Variants in SCN10A observed in about 807,000 individuals in gnomAD.
SCN10A encodes the protein sodium channel protein type 10 subunit alpha.
Under a neutral mutation model 170.7 loss-of-function variants are expected in SCN10A, and 162 were observed. The ratio of observed to expected loss-of-function variants is 0.95; its 90% CI spans 0.84 to 1.08. The LOEUF (loss-of-function observed/expected upper bound fraction) is 1.08. Among genes scored for constraint, SCN10A ranks in the 50% least tolerant of loss-of-function variants. The pLI is 0.00. For missense variants in SCN10A, 2,527 were observed against 2,436.9 expected, an observed-to-expected ratio of 1.04 and a Z score of -0.78; for synonymous variants, 985 against 904.6, an observed-to-expected ratio of 1.09 and a Z score of -1.59.
intron 3 of SCN10A, among the ~76,000 whole-genome samples, chr3:38,789,538 G>C (rs1403942466): frequency 6.6e-6 from 1 of 152,100 alleles, no homozygotes; most frequent in Non-Finnish European, 1.5e-5. Flanking sequence ...AAGTGAAGAG[G>C]TACAAACTTT....
At chr3:38,700,417 C>T (rs769825005) in intron 27 of SCN10A, among the ~76,000 whole-genome samples, 13 of 152,004 alleles carry the variant, frequency 8.6e-5, no homozygotes, top group Non-Finnish European at 1.3e-4. Flanking sequence ...TAAAAATTTG[C>T]CAAGAGAATA....
Position 38,793,970 on chromosome 3 carries a change from C to A in SCN10A, c.41G>T (p.Arg14Leu), listed in dbSNP as rs141207048. 2.7e-3 allele frequency: 4,285 copies of A among 1,613,936 alleles called. 6 individuals are homozygous for A. The highest frequency in any genetic ancestry group is 3.1e-3 in the Non-Finnish European group (3,628 of 1,179,846). Residue 14 changes from arginine (R) to leucine (L), a missense_variant, in exon 2 of 28, where the codon CGT (arginine) becomes CTT (leucine). By Grantham distance (102) the Arg-to-Leu change is moderately radical. Transcript: ENST00000449082. ...CACCAGTGACTCCGGAGTAAAGCGACGGAAGTTGTTAGTTTCGAGGGATCC... is the reference window on the plus strand; with the variant it reads ...CACCAGTGACTCCGGAGTAAAGCGAAGGAAGTTGTTAGTTTCGAGGGATCC... ...PIGSLETNNFRRFTPESLVEI... is the reference protein window; with the variant it reads ...PIGSLETNNFLRFTPESLVEI...
intron 15 of SCN10A, among the ~76,000 whole-genome samples, chr3:38,739,179 G>A (rs1182128048): frequency 6.6e-6 from 1 of 152,180 alleles, no homozygotes; most frequent in Non-Finnish European, 1.5e-5. Context: ...AGTGTCCAGT[G>A]CTATGCCTGA....
At chr3:38,761,117 C>G in intron 7 of SCN10A, 75 bp downstream of exon 7, 2 of 1,170,656 alleles carry the variant, frequency 1.7e-6, no homozygotes, top group South Asian at 3.0e-5. Context: ...CACACAGGGG[C>G]TCCATATCCC....
Position 38,761,204 on chromosome 3 carries a change from A to T in SCN10A, c.871T>A (p.Ser291Thr), listed in dbSNP as rs1190198136. ...MAVNETTNYSSHRKPDIYINK... is the reference protein window; with the variant it reads ...MAVNETTNYSTHRKPDIYINK... ...AGACTCCACTCACGTTTTCTGTGAGATGAGTAGTTGGTTGTCTCATTGACA... is the reference window on the plus strand; with the variant it reads ...AGACTCCACTCACGTTTTCTGTGAGTTGAGTAGTTGGTTGTCTCATTGACA... The change falls in exon 7 of 28, where the codon TCT becomes ACT. Residue 291 changes from serine (S) to threonine (T), a missense_variant. Coordinates refer to ENST00000449082, the MANE Select transcript of SCN10A (RefSeq NM_006514.4). The T allele has an allele frequency of 6.2e-7, 1 of 1,605,830 alleles. No individual in the cohort carries two copies.
chr3:38,730,726 A>T (rs368004835), intron 15 of SCN10A, among the ~76,000 whole-genome samples: 15 of 152,300 alleles, frequency 9.8e-5, no homozygotes, highest in African/African-American at 3.1e-4. Context: ...ACTTAAAATT[A>T]AAAATATTAT....
chr3:38,779,532 C>A (rs867816318), intron 4 of SCN10A, among the ~76,000 whole-genome samples: 1 of 151,780 alleles, frequency 6.6e-6, no homozygotes, highest in Admixed American at 6.6e-5. Flanking sequence ...TAATTTATTG[C>A]TTTTTATAAT....
intron 27 of SCN10A, among the ~76,000 whole-genome samples, chr3:38,701,454 T>A (rs1163747293): frequency 6.6e-6 from 1 of 152,190 alleles, no homozygotes; most frequent in East Asian, 1.9e-4. Context: ...AAGACTCATC[T>A]CACATTACAC....
At chr3:38,814,858 T>C (rs2064462318) in intron 1 of SCN10A, among the ~76,000 whole-genome samples, 1 of 152,234 alleles carries the variant, frequency 6.6e-6, no homozygotes, top group Admixed American at 6.5e-5. Context: ...GCAATTCATT[T>C]ATCTGTGTCA....
At chr3:38,786,486 G>A (rs1271090368) in intron 4 of SCN10A, among the ~76,000 whole-genome samples, 5 of 152,084 alleles carry the variant, frequency 3.3e-5, no homozygotes, top group Non-Finnish European at 7.4e-5. Context: ...TGAGGGGTTG[G>A]GGGCTAGGGG....
chr3:38,736,963 G>GTTTTTCTTTTTTTTTTTTTT (rs2063568494), intron 15 of SCN10A, among the ~76,000 whole-genome samples: 1 of 46,666 alleles, frequency 2.1e-5, no homozygotes, highest in Non-Finnish European at 3.6e-5. Context: ...AGAAATGTTC[G>GTTTTTCTTTTTTTTTTTTTT]TTTTTTTTTT....
chr3:38,761,509 G>T, intron 6 of SCN10A, 126 bp from the exon 7 acceptor site: 3 of 664,470 alleles, frequency 4.5e-6, no homozygotes, highest in Admixed American at 3.5e-5. Context: ...CTCCAGGGCA[G>T]TTCCAAGACC....
intron 1 of SCN10A, among the ~76,000 whole-genome samples, chr3:38,811,646 TAC>T (rs2064441928): frequency 6.6e-6 from 1 of 152,122 alleles, no homozygotes; most frequent in Non-Finnish European, 1.5e-5. Context: ...CATCAAAACA[TAC>T]AGTCTTCCTA....
rs1297726448 is a variant in SCN10A, at chr3:38,728,577, G to A, written c.2605C>T (p.Leu869Phe). ...CCTAGCACCATCACCGTCAAGAAAA[G>A]GATGAGGCATATGGATTTTTGGCCA... ...EVGQKSICLI[L>F]FLTVMVLGNL... The change falls in exon 16 of 28, where the codon CTT becomes TTT. Residue 869 changes from leucine (L) to phenylalanine (F), a missense_variant. Physicochemically the swap from Leu to Phe is conservative, Grantham distance 22. Transcript: ENST00000449082. The A allele has an allele frequency of 6.2e-7, 1 of 1,606,008 alleles. No individual in the cohort carries two copies.
chr3:38,706,475 G>A (rs2063212435), intron 26 of SCN10A, among the ~76,000 whole-genome samples: 1 of 152,204 alleles, frequency 6.6e-6, no homozygotes, highest in Non-Finnish European at 1.5e-5. Flanking sequence ...ATTCACTGGA[G>A]TGGATGGCTC....
intron 5 of SCN10A, among the ~76,000 whole-genome samples, chr3:38,769,964 A>G (rs573160601): frequency 6.6e-6 from 1 of 152,336 alleles, no homozygotes; most frequent in African/African-American, 2.4e-5. Flanking sequence ...TGAAGGTGGC[A>G]GAGGAATGAA....
At chr3:38,808,676 T>G (rs1281440401) in intron 1 of SCN10A, among the ~76,000 whole-genome samples, 1 of 152,218 alleles carries the variant, frequency 6.6e-6, no homozygotes, top group Non-Finnish European at 1.5e-5. Context: ...CTGCTGTCAG[T>G]GTGCCTAGTT....
chr3:38,727,742 A>T (rs1471831482), intron 16 of SCN10A, among the ~76,000 whole-genome samples: 3 of 152,146 alleles, frequency 2.0e-5, no homozygotes, highest in Non-Finnish European at 2.9e-5. Flanking sequence ...GGCAATAAGA[A>T]AGGGGCTTCT....
intron 1 of SCN10A, among the ~76,000 whole-genome samples, chr3:38,795,101 T>C (rs1026959104): frequency 4.6e-5 from 7 of 152,150 alleles, no homozygotes; most frequent in Admixed American, 3.9e-4. Context: ...CCTCCAACTT[T>C]AAAAACTTTC....
Sources: gnomAD v4.1 joint callset for allele counts (sites outside exome capture counted in the v4.1 genomes callset) on GRCh38, gnomAD v4.1.1 for gene constraint, MANE v1.5 for transcripts, NCBI Gene and HGNC (gene_info 2026-07-23, HGNC 2026-07-21) for gene names.